GMDS: variants seen among roughly 807,000 people sequenced by gnomAD.
The protein encoded by GMDS is GDP-mannose 4,6 dehydratase.
GMDS carries 20 observed loss-of-function variants against 49.9 expected under a neutral mutation model. The observed-to-expected ratio is 0.40, with a 90% CI of 0.28 to 0.58. GMDS has a LOEUF of 0.58. GMDS is among the 20% of genes least tolerant of loss of function. The pLI is 0.42. For synonymous variants in GMDS, 177 were observed against 178.6 expected (o/e 0.99, Z 0.07); for missense variants, 362 against 481.4 (o/e 0.75, Z 2.32).
chr6:1,741,732 A>G (rs1767276012), intron 8 of GMDS, among the ~76,000 whole-genome samples: 1 of 145,010 alleles, frequency 6.9e-6, no homozygotes, highest in African/African-American at 2.6e-5. Flanking sequence ...GAATTGCTTG[A>G]ACCTGGGAGG....
intron 7 of GMDS, among the ~76,000 whole-genome samples, chr6:1,893,273 A>C (rs886509405): frequency 2.7e-4 from 41 of 150,564 alleles, no homozygotes; most frequent in African/African-American, 9.0e-4. Context: ...AGCTCACTGA[A>C]ACCTCCACCT....
chr6:2,240,589 A>G (rs1159256793), intron 1 of GMDS, among the ~76,000 whole-genome samples: 1 of 149,762 alleles, frequency 6.7e-6, no homozygotes, highest in Non-Finnish European at 1.5e-5. Flanking sequence ...GGACAACAGA[A>G]TAAGACTGTC....
intron 4 of GMDS, among the ~76,000 whole-genome samples, chr6:2,082,178 GCACA>G (rs567661185): frequency 1.3e-5 from 2 of 151,964 alleles, no homozygotes; most frequent in Non-Finnish European, 2.9e-5. Context: ...ACACGTGTGC[GCACA>G]CACACACAAA....
rs1325086104 is a variant in GMDS at position 1,706,261 on chromosome 6, G to A, written c.987+20155C>T. 2.6e-5 allele frequency among the ~76,000 whole-genome samples: 4 copies of A among 152,286 alleles called. No homozygotes were observed. The South Asian group carries it at 6.2e-4, about 24-fold the overall frequency. On this transcript the variant is annotated intron_variant, in intron 9 of 10. Transcript: ENST00000380815. ...GCACAGCTGATGATTCTGAGGGGAGGTGGTGGGCAGGTGCTGAGGCAGGAA... is the reference window on the plus strand; with the variant it reads ...GCACAGCTGATGATTCTGAGGGGAGATGGTGGGCAGGTGCTGAGGCAGGAA...
intron 9 of GMDS, among the ~76,000 whole-genome samples, chr6:1,650,232 A>G (rs1389116661): frequency 6.6e-6 from 1 of 152,108 alleles, no homozygotes; most frequent in Non-Finnish European, 1.5e-5. Context: ...GGCAGCCGTG[A>G]GCCCAGCAAA....
intron 4 of GMDS, among the ~76,000 whole-genome samples, chr6:2,066,971 G>C (rs967130937): frequency 1.3e-5 from 2 of 151,700 alleles, no homozygotes; most frequent in Admixed American, 6.6e-5. Context: ...ATTTTTTTCA[G>C]CACCACACCA....
intron 7 of GMDS, among the ~76,000 whole-genome samples, chr6:1,749,629 TCTC>T (rs1767646131): frequency 6.6e-6 from 1 of 152,066 alleles, no homozygotes; most frequent in East Asian, 1.9e-4. Context: ...GAAATTGTCT[TCTC>T]CTTCAGCAAC....
At chr6:2,235,987 A>G (rs1781341832) in intron 1 of GMDS, among the ~76,000 whole-genome samples, 1 of 152,170 alleles carries the variant, frequency 6.6e-6, no homozygotes, top group Admixed American at 6.5e-5. Context: ...ATTGGCTACT[A>G]TCTTTCCTGT....
At chr6:1,784,390 C>CAAA (rs780517217) in intron 7 of GMDS, among the ~76,000 whole-genome samples, 7 of 40,472 alleles carry the variant, frequency 1.7e-4, no homozygotes, top group South Asian at 9.3e-4. Flanking sequence ...AGACTCGTCT[C>CAAA]AAAAAAAAAA....
chr6:1,709,868 T>C (rs1428380764), intron 9 of GMDS, among the ~76,000 whole-genome samples: 6 of 152,222 alleles, frequency 3.9e-5, no homozygotes, highest in Non-Finnish European at 4.4e-5. Context: ...TACAGTCCTT[T>C]GGTTGGGCTA....
chr6:2,185,478 C>G (rs971193236), intron 1 of GMDS, among the ~76,000 whole-genome samples: 19 of 152,202 alleles, frequency 1.2e-4, no homozygotes, highest in African/African-American at 4.1e-4. Flanking sequence ...GATACCAACT[C>G]TGAGGATCCA....
At chr6:1,982,781 C>A (rs1765295481) in intron 4 of GMDS, among the ~76,000 whole-genome samples, 1 of 152,124 alleles carries the variant, frequency 6.6e-6, no homozygotes, top group Non-Finnish European at 1.5e-5. Flanking sequence ...GAATCAATAT[C>A]ATGAAAATGG....
rs1427470076 is a variant in GMDS at position 1,836,953 on chromosome 6, T to C, written c.771+93150A>G. The stretch of plus-strand genomic sequence containing the variant: ...ATAAGACTTTGTTTTAAGTTTACAA[T>C]AGAGAAAGTTTGGGAAAAGGCTAAA... On this transcript the variant is annotated intron_variant, in intron 7 of 10. Transcript: ENST00000380815. This position sits in a 1 kb window ranked among gnomAD's most constrained non-coding sequence, Gnocchi z 4.2. Among the ~76,000 whole-genome samples, 1 of 152,232 alleles carries C rather than the reference T, an allele frequency of 6.6e-6. No homozygotes were observed. Among genetic ancestry groups the C allele is most frequent in the Non-Finnish European group, 1.5e-5 (1 of 68,030 alleles).
chr6:2,161,394 T>C (rs1777393988), intron 1 of GMDS, among the ~76,000 whole-genome samples: 1 of 152,112 alleles, frequency 6.6e-6, no homozygotes. Context: ...AGCTGTTAAA[T>C]AGTAACAAAT....
At chr6:1,654,887 C>G (rs1403454899) in intron 9 of GMDS, among the ~76,000 whole-genome samples, 2 of 151,808 alleles carry the variant, frequency 1.3e-5, no homozygotes, top group Non-Finnish European at 2.9e-5. Context: ...ATGGTGAAAC[C>G]CCATCTCTAC....
intron 8 of GMDS, 76 bp from the exon 9 acceptor site, chr6:1,726,588 C>T (rs1766600565): frequency 4.0e-6 from 4 of 1,006,820 alleles, no homozygotes; most frequent in Non-Finnish European, 6.4e-6. Flanking sequence ...CCTTGGGATG[C>T]CCCAGCCCTC....
At chr6:2,022,120 C>T (rs568505682) in intron 4 of GMDS, among the ~76,000 whole-genome samples, 1 of 152,110 alleles carries the variant, frequency 6.6e-6, no homozygotes, top group Non-Finnish European at 1.5e-5. Flanking sequence ...ACGACACAGG[C>T]AACTCTTATA....
At chr6:2,220,730 T>C (rs1273521546) in intron 1 of GMDS, among the ~76,000 whole-genome samples, 1 of 151,994 alleles carries the variant, frequency 6.6e-6, no homozygotes, top group Non-Finnish European at 1.5e-5. Flanking sequence ...AAGATTTGTA[T>C]ATACATTTCT....
At chr6:2,143,538 AT>A (rs1231137219) in intron 1 of GMDS, among the ~76,000 whole-genome samples, 1 of 152,078 alleles carries the variant, frequency 6.6e-6, no homozygotes, top group African/African-American at 2.4e-5. Context: ...TTCTAAAGTA[AT>A]TTTTTTTAAA....
Sources: allele counts gnomAD v4.1 joint callset (sites outside exome capture counted in the v4.1 genomes callset), GRCh38; gene constraint gnomAD v4.1.1; non-coding constraint Gnocchi (gnomAD v3.1); transcripts MANE v1.5; gene names NCBI Gene and HGNC (gene_info 2026-07-23, HGNC 2026-07-21).